The following CDH7 variants were observed in gnomAD, a reference collection of about 807,000 sequenced individuals.
CDH7 encodes the protein cadherin-7.
Under a neutral mutation model 71.8 loss-of-function variants are expected in CDH7, and 25 were observed. The observed-to-expected ratio is 0.35, with a 90% CI of 0.25 to 0.49. The LOEUF (loss-of-function observed/expected upper bound fraction) is 0.49, where lower values mean the gene tolerates loss of function less well. CDH7 is among the 20% of genes least tolerant of loss of function. The pLI is 0.99. For synonymous variants in CDH7, 381 were observed against 363.8 expected, an observed-to-expected ratio of 1.05 and a Z score of -0.54; for missense variants, 862 against 974.6, an observed-to-expected ratio of 0.88 and a Z score of 1.54.
chr18:65,755,109 C>G (rs12960546), intron 1 of CDH7, among the ~76,000 whole-genome samples: 53,754 of 151,692 alleles, frequency 0.35, 9,838 homozygotes, highest in Middle Eastern at 0.48. Flanking sequence ...TACTTTGTTT[C>G]ACTTTTAGGA....
intron 11 of CDH7, among the ~76,000 whole-genome samples, chr18:65,864,374 G>A (rs968085592): frequency 6.6e-6 from 1 of 151,432 alleles, no homozygotes; most frequent in African/African-American, 2.4e-5. Context: ...AATGTTTTGC[G>A]GTTTTTTGTT....
chr18:65,811,572 C>G (rs538442925), intron 3 of CDH7, among the ~76,000 whole-genome samples: 16 of 152,190 alleles, frequency 1.1e-4, no homozygotes, highest in African/African-American at 3.6e-4. Flanking sequence ...CTCTTGCTTA[C>G]CAACAAGAGC....
chr18:65,768,053 T>C (rs939595842), intron 2 of CDH7, among the ~76,000 whole-genome samples: 1 of 152,194 alleles, frequency 6.6e-6, no homozygotes, highest in Non-Finnish European at 1.5e-5. Context: ...ATAGCCAAAC[T>C]AGGTACTCTA....
At chr18:65,758,771 C>G (rs2143778069) in intron 1 of CDH7, among the ~76,000 whole-genome samples, 1 of 152,274 alleles carries the variant, frequency 6.6e-6, no homozygotes, top group South Asian at 2.1e-4. Flanking sequence ...GAATTTGTAT[C>G]TTGACTTGTT....
chr18:65,840,745 C>A (rs1283770242), intron 6 of CDH7, among the ~76,000 whole-genome samples: 1 of 152,128 alleles, frequency 6.6e-6, no homozygotes, highest in Non-Finnish European at 1.5e-5. Flanking sequence ...GTCCATTAAA[C>A]CTCTTTCTTT....
rs745844120 is a variant in CDH7 at position 65,814,610 on chromosome 18, A to T, written c.625+6A>T. 2 of 1,602,604 alleles carry T rather than the reference A, an allele frequency of 1.2e-6. No individual in the cohort carries two copies. The highest frequency in any genetic ancestry group is 2.7e-5 in the African/African-American group (2 of 74,178). ...CTCAGTGGAGCCAAAGACAGGTAAA[A>T]ATTGAAATGTGACATTCTTGTAAAG... is the stretch of plus-strand genomic sequence containing the variant. On this transcript the variant is annotated splice_donor_region_variant and intron_variant, in intron 4 of 11. Transcript: ENST00000397968.
intron 2 of CDH7, among the ~76,000 whole-genome samples, chr18:65,782,367 A>G (rs994326396): frequency 6.6e-6 from 1 of 151,820 alleles, no homozygotes; most frequent in Non-Finnish European, 1.5e-5. Context: ...GGGTTTTGCC[A>G]AGCTGGTCTT....
At position 65,830,619 on chromosome 18, in the gene CDH7, C is replaced by G. The variant is rs1307811848; in HGVS notation, c.981+5788C>G. Among the ~76,000 whole-genome samples, 3 of 22,096 alleles carry G rather than the reference C, an allele frequency of 1.4e-4. No individual in the cohort carries two copies. In the Non-Finnish European group the frequency reaches 8.3e-3, roughly 61 times the overall value. The allele number at this position is 22,096 out of a possible 152,430, so 14.5% of individuals were successfully genotyped here. A position where few individuals can be genotyped will look rare whatever the true frequency, so the allele number is the denominator to read the frequency against. Reference sequence around the variant, plus strand: ...CTCCCCCCTTCCCTTTCCTTCCCTTCCCTTCGCTTCCCCTTCCCTTCCTTC... The same window carrying G: ...CTCCCCCCTTCCCTTTCCTTCCCTTGCCTTCGCTTCCCCTTCCCTTCCTTC... On this transcript the variant is annotated intron_variant, in intron 6 of 11. Coordinates refer to ENST00000397968, the MANE Select transcript of CDH7 (RefSeq NM_004361.5).
At chr18:65,785,737 C>G (rs1475057203) in intron 2 of CDH7, among the ~76,000 whole-genome samples, 2 of 151,906 alleles carry the variant, frequency 1.3e-5, no homozygotes, top group African/African-American at 4.8e-5. Context: ...TAATTTTATT[C>G]TGATTTTGAT....
intron 3 of CDH7, among the ~76,000 whole-genome samples, chr18:65,813,295 G>A (rs1016414984): frequency 6.6e-6 from 1 of 152,178 alleles, no homozygotes; most frequent in Admixed American, 6.5e-5. Flanking sequence ...TTGTGCCATT[G>A]CACTCCAGCC....
intron 3 of CDH7, among the ~76,000 whole-genome samples, chr18:65,811,861 GAAT>G (rs1166077992): frequency 6.6e-6 from 1 of 151,306 alleles, no homozygotes; most frequent in Non-Finnish European, 1.5e-5. Flanking sequence ...GAAACAGCAT[GAAT>G]ATTATGCACA....
intron 7 of CDH7, among the ~76,000 whole-genome samples, chr18:65,845,170 A>G (rs1912892023): frequency 6.7e-6 from 1 of 149,232 alleles, no homozygotes; most frequent in Non-Finnish European, 1.5e-5. Flanking sequence ...ATTTTAAAGT[A>G]GTATATATAC....
intron 2 of CDH7, among the ~76,000 whole-genome samples, chr18:65,789,763 C>A (rs920589359): frequency 6.6e-6 from 1 of 152,018 alleles, no homozygotes; most frequent in African/African-American, 2.4e-5. Context: ...TAGGAGGCAT[C>A]TAGGCAGAGG....
chr18:65,857,317 TATAATAATAATAATAATA>T (rs4047847), intron 7 of CDH7, among the ~76,000 whole-genome samples: 41 of 131,926 alleles, frequency 3.1e-4, no homozygotes, highest in Non-Finnish European at 4.4e-4. Context: ...ACCCTGCATC[TATAATAATAATAATAATA>T]ATAATAATAA....
At chr18:65,853,223 A>G (rs530022680) in intron 7 of CDH7, among the ~76,000 whole-genome samples, 3 of 152,316 alleles carry the variant, frequency 2.0e-5, no homozygotes, top group Non-Finnish European at 4.4e-5. Flanking sequence ...CAGAAGTTGC[A>G]CTGTAGTTAG....
chr18:65,858,702 G>A lies in CDH7; in HGVS notation c.1373-223G>A, dbSNP rs747846012. The stretch of plus-strand genomic sequence containing the variant: ...TAAGTATGTATACATACACATATAC[G>A]TATATACATATATGTATGTGTGTAT... On this transcript the variant is annotated intron_variant, in intron 8 of 11. Transcript: ENST00000397968. Among the ~76,000 whole-genome samples, 5 of 151,506 alleles carry A rather than the reference G, an allele frequency of 3.3e-5. No homozygotes were observed. The South Asian group carries it at 6.2e-4, about 19-fold the overall frequency.
At chr18:65,789,986 T>A (rs1315728263) in intron 2 of CDH7, among the ~76,000 whole-genome samples, 1 of 151,772 alleles carries the variant, frequency 6.6e-6, no homozygotes, top group East Asian at 1.9e-4. Flanking sequence ...TCCCAGCACT[T>A]TGGGAGGCCA....
intron 6 of CDH7, among the ~76,000 whole-genome samples, chr18:65,842,861 T>TTTTC (rs397724557): frequency 0.024 from 3,672 of 150,752 alleles, 69 homozygotes; most frequent in Middle Eastern, 0.048. Context: ...GTTTTTTTTT[T>TTTTC]CACTGTTTTT....
At chr18:65,847,972 C>T (rs201450976) in intron 7 of CDH7, among the ~76,000 whole-genome samples, 5 of 30,488 alleles carry the variant, frequency 1.6e-4, no homozygotes, top group Non-Finnish European at 1.5e-3. Context: ...GGAAAAAAAA[C>T]GATTTTTTTT....
Sources: gnomAD v4.1 joint callset for allele counts (sites outside exome capture counted in the v4.1 genomes callset) on GRCh38, gnomAD v4.1.1 for gene constraint, MANE v1.5 for transcripts, NCBI Gene and HGNC (gene_info 2026-07-23, HGNC 2026-07-21) for gene names.